FBXO40: variants seen among roughly 807,000 people sequenced by gnomAD.
FBXO40 encodes F-box protein 40.
A neutral mutation model predicts 49.9 loss-of-function variants in FBXO40; 50 were observed. The observed-to-expected ratio is 1.00, with a 90% CI of 0.80 to 1.27. FBXO40 has a LOEUF of 1.27. Ranked by LOEUF, FBXO40 falls within the 50% of genes most tolerant of loss-of-function variation. The probability of loss-of-function intolerance (pLI) is 0.00; values close to 1 mark genes in which losing one functional copy is unlikely to be tolerated. For missense variants in FBXO40, 895 were observed against 870.1 expected (o/e 1.03, Z -0.36); for synonymous variants, 340 against 320.2 (o/e 1.06, Z -0.66).
At chr3:121,626,300 G>C (rs984925625) in intron 3 of FBXO40, among the ~76,000 whole-genome samples, 2 of 152,156 alleles carry the variant, frequency 1.3e-5, no homozygotes, top group East Asian at 3.8e-4. Context: ...TGCAGTTCAA[G>C]TAGAGAAAGA....
At chr3:121,616,951 CT>C (rs2049000743) in intron 1 of FBXO40, among the ~76,000 whole-genome samples, 1 of 151,976 alleles carries the variant, frequency 6.6e-6, no homozygotes, top group Non-Finnish European at 1.5e-5. Context: ...TATGTGAGAA[CT>C]AAAAAAGTTG....
At position 121,623,200 on chromosome 3, in the gene FBXO40, G is replaced by C. The variant is rs773119943; in HGVS notation, c.1771G>C (p.Val591Leu). The change falls in exon 3 of 4, where the codon GTC (valine) becomes CTC (leucine). Residue 591 changes from valine (V) to leucine (L), a missense_variant. By Grantham distance (32) the Val-to-Leu change is conservative. Coordinates refer to ENST00000338040, the MANE Select transcript of FBXO40 (RefSeq NM_016298.4). ...GTACATTGCTGGGTTCTTGGACAGCGTCAGCCTGGCCCAGCTCTCCCAGGT... is the reference window on the plus strand; with the variant it reads ...GTACATTGCTGGGTTCTTGGACAGCCTCAGCCTGGCCCAGCTCTCCCAGGT... ...LKYIAGFLDS[V>L]SLAQLSQVSV... The C allele has an allele frequency of 6.2e-7, 1 of 1,614,156 alleles. No individual in the cohort carries two copies. Among genetic ancestry groups the C allele is most frequent in the Admixed American group, 1.7e-5 (1 of 60,022 alleles).
At chr3:121,616,221 G>C (rs139617731) in intron 1 of FBXO40, among the ~76,000 whole-genome samples, 1 of 152,144 alleles carries the variant, frequency 6.6e-6, no homozygotes, top group African/African-American at 2.4e-5. Context: ...GGAGTATAGA[G>C]CACTCTGCCG....
At chr3:121,595,729 T>A (rs1249652093) in intron 1 of FBXO40, among the ~76,000 whole-genome samples, 1 of 151,878 alleles carries the variant, frequency 6.6e-6, no homozygotes, top group African/African-American at 2.4e-5. Flanking sequence ...ACTTTAATAA[T>A]TATCTTTATA....
Position 121,622,718 on chromosome 3 carries a change from CAT to C in FBXO40, c.1291_1292del (p.Tyr431GlnfsTer3). ...CTGTTCATGGATTTTGCCACACAAA[CAT>C]ACAACTTTGAGCCAGAACAGTTTTC... On this transcript the variant is annotated frameshift_variant, in exon 3 of 4. Coordinates refer to ENST00000338040, the MANE Select transcript of FBXO40 (RefSeq NM_016298.4). LOFTEE classifies it high-confidence loss of function. The C allele has an allele frequency of 6.2e-7, 1 of 1,614,208 alleles. No homozygotes were observed. The highest frequency in any genetic ancestry group is 8.5e-7 in the Non-Finnish European group (1 of 1,180,046).
chr3:121,595,868 A>G (rs2048868594), intron 1 of FBXO40, among the ~76,000 whole-genome samples: 1 of 152,164 alleles, frequency 6.6e-6, no homozygotes, highest in Non-Finnish European at 1.5e-5. Flanking sequence ...TTAACTTTTA[A>G]CCTTGTCACT....
chr3:121,606,446 G>A (rs1401480905), intron 1 of FBXO40, among the ~76,000 whole-genome samples: 1 of 152,166 alleles, frequency 6.6e-6, no homozygotes, highest in Non-Finnish European at 1.5e-5. Context: ...TCCACATTGG[G>A]GAAAGCTGGT....
At position 121,623,341 on chromosome 3, in the gene FBXO40, G is replaced by GAGGT. The variant is rs2049045001; in HGVS notation, c.1914_1914+3dup. On this transcript the variant is annotated frameshift_variant and splice_region_variant, in exon 3 of 4. Transcript: ENST00000338040. LOFTEE classifies it high-confidence loss of function. ...AGGCACCTCCTGGAGAGTCCACAGA[G>GAGGT]AGGTAAGTAAACACTCATTTATTGA... 1 of 1,610,976 alleles carries GAGGT rather than the reference G, an allele frequency of 6.2e-7. No homozygotes were observed. The highest frequency in any genetic ancestry group is 8.5e-7 in the Non-Finnish European group (1 of 1,178,322).
chr3:121,624,413 G>A (rs2049051259), intron 3 of FBXO40, among the ~76,000 whole-genome samples: 1 of 152,104 alleles, frequency 6.6e-6, no homozygotes, highest in South Asian at 2.1e-4. Context: ...ATAGCAATCC[G>A]GAGGGTAGTG....
At chr3:121,615,322 C>T (rs951203595) in intron 1 of FBXO40, among the ~76,000 whole-genome samples, 52 of 151,830 alleles carry the variant, frequency 3.4e-4, no homozygotes, top group Middle Eastern at 3.4e-3. Context: ...ATAAGAAACC[C>T]GAGGCAGGCA....
intron 1 of FBXO40, among the ~76,000 whole-genome samples, chr3:121,614,731 A>T (rs927157758): frequency 6.6e-6 from 1 of 152,000 alleles, no homozygotes; most frequent in African/African-American, 2.4e-5. Context: ...TAGCTTAATG[A>T]CTCTAAAATG....
At chr3:121,604,516 T>A (rs2048920652) in intron 1 of FBXO40, among the ~76,000 whole-genome samples, 1 of 152,196 alleles carries the variant, frequency 6.6e-6, no homozygotes, top group South Asian at 2.1e-4. Context: ...TCCACCATGA[T>A]GGCCCTGACC....
At chr3:121,599,266 G>A (rs988394707) in intron 1 of FBXO40, among the ~76,000 whole-genome samples, 2 of 152,190 alleles carry the variant, frequency 1.3e-5, no homozygotes, top group South Asian at 4.1e-4. Flanking sequence ...CCCGGAGTTT[G>A]AGACCAGCCT....
rs1037822357 is a variant in FBXO40 at position 121,623,023 on chromosome 3, G to T, written c.1594G>T (p.Ala532Ser). 1 of 1,614,204 alleles carries T rather than the reference G, an allele frequency of 6.2e-7. No homozygotes were observed. Among genetic ancestry groups the T allele is most frequent in the South Asian group, 1.1e-5 (1 of 91,080 alleles). The change falls in exon 3 of 4, where the codon GCA (alanine) becomes TCA (serine). Residue 532 changes from alanine (A) to serine (S), a missense_variant. Ala to Ser is a moderately conservative substitution (Grantham distance 99, BLOSUM62 1). Transcript: ENST00000338040. The part of the protein sequence containing the change: ...QNHFRPPGQK[A>S]KVIYSQELKT... ...CCATTTCCGTCCCCCAGGGCAAAAG[G>T]CAAAAGTAATCTATAGCCAGGAGCT... is the stretch of plus-strand genomic sequence containing the variant.
At chr3:121,619,863 G>A (rs2049020788) in intron 1 of FBXO40, among the ~76,000 whole-genome samples, 1 of 152,180 alleles carries the variant, frequency 6.6e-6, no homozygotes. Context: ...CATCCCCACT[G>A]TCTCTGGAAA....
rs1305365838 is a variant in FBXO40 at position 121,622,623 on chromosome 3, C to T, written c.1194C>T (p.Thr398=). The stretch of plus-strand genomic sequence containing the variant: ...TGCCCAAATCAGATCTCATCAAGAC[C>T]ACCCTCCAGTGTGCTTTGGAAAGAG... The part of the protein sequence containing the change: ...EDLPKSDLIK[T]TLQCALEREL... The change falls in exon 3 of 4, where the codon ACC becomes ACT. Residue 398 remains threonine, a synonymous_variant. Transcript: ENST00000338040. 7.4e-6 allele frequency: 12 copies of T among 1,614,190 alleles called. No homozygotes were observed. The highest frequency in any genetic ancestry group is 8.5e-6 in the Non-Finnish European group (10 of 1,180,038).
At chr3:121,605,189 G>C (rs1230689985) in intron 1 of FBXO40, among the ~76,000 whole-genome samples, 1 of 151,972 alleles carries the variant, frequency 6.6e-6, no homozygotes, top group Non-Finnish European at 1.5e-5. Flanking sequence ...CATCCACCTC[G>C]GCCTCCCAAA....
intron 1 of FBXO40, among the ~76,000 whole-genome samples, chr3:121,595,986 C>T (rs80223421): frequency 0.01 from 1,526 of 152,232 alleles, 12 homozygotes; most frequent in Non-Finnish European, 0.016. Context: ...TGAGAGGGCC[C>T]CTTGCCTAAA....
rs572163335 is a variant in FBXO40 at position 121,629,280 on chromosome 3, C to T, written c.*2370C>T. 8 of 152,262 alleles carry T rather than the reference C, an allele frequency of 5.3e-5. No individual in the cohort carries two copies. The South Asian group carries it at 1.2e-3, about 24-fold the overall frequency. 9.4% of individuals were successfully genotyped at this position (152,262 alleles called of 1,614,324 possible). On this transcript the variant is annotated 3_prime_UTR_variant, in exon 4 of 4. Coordinates refer to ENST00000338040, the MANE Select transcript of FBXO40 (RefSeq NM_016298.4). ...TTGTATTTCATATTTGTATATAAGG[C>T]ACCATTTTCTAAAAATATGACTAGG...
Sources: gnomAD v4.1 joint callset for allele counts (sites outside exome capture counted in the v4.1 genomes callset) on GRCh38, gnomAD v4.1.1 for gene constraint, MANE v1.5 for transcripts, NCBI Gene and HGNC (gene_info 2026-07-23, HGNC 2026-07-21) for gene names.